Variants in NRXN1 observed in about 807,000 individuals in gnomAD.
NRXN1 encodes the protein neurexin-1.
Under a neutral mutation model 150.9 loss-of-function variants are expected in NRXN1, and 39 were observed. The observed-to-expected ratio is 0.26, with a 90% CI of 0.20 to 0.34. The LOEUF is 0.34. Among genes scored for constraint, NRXN1 ranks in the 10% least tolerant of loss-of-function variants. The pLI, the probability that NRXN1 is intolerant of heterozygous loss-of-function variation, is 1.00. For synonymous variants in NRXN1, 924 were observed against 757.0 expected, an observed-to-expected ratio of 1.22 and a Z score of -3.62; for missense variants, 1,815 against 1,949.9, an observed-to-expected ratio of 0.93 and a Z score of 1.30.
At chr2:50,134,294 A>G (rs1227637061) in intron 18 of NRXN1, among the ~76,000 whole-genome samples, 55 of 148,658 alleles carry the variant, frequency 3.7e-4, no homozygotes, top group Admixed American at 3.5e-3. Context: ...AAAAAAAAAG[A>G]GAACACTAAG....
chr2:50,765,805 C>G (rs1702318219), intron 5 of NRXN1, among the ~76,000 whole-genome samples: 1 of 151,982 alleles, frequency 6.6e-6, no homozygotes, highest in South Asian at 2.1e-4. Flanking sequence ...TTTTTTGAAG[C>G]TATCAGAAGC....
intron 17 of NRXN1, among the ~76,000 whole-genome samples, chr2:50,440,759 C>G (rs1478961731): frequency 1.3e-5 from 2 of 151,992 alleles, no homozygotes; most frequent in Non-Finnish European, 2.9e-5. Flanking sequence ...TTCCTTTGTG[C>G]TCATATTTTT....
chr2:50,757,193 A>G (rs1368070744), intron 5 of NRXN1, among the ~76,000 whole-genome samples: 1 of 151,888 alleles, frequency 6.6e-6, no homozygotes, highest in Non-Finnish European at 1.5e-5. Flanking sequence ...CGGAAATTAT[A>G]GAATCTTCAG....
intron 8 of NRXN1, among the ~76,000 whole-genome samples, chr2:50,578,471 T>C (rs542120960): frequency 6.6e-6 from 1 of 152,294 alleles, no homozygotes; most frequent in African/African-American, 2.4e-5. Context: ...AGAGATCCTG[T>C]GTGATCATTA....
chr2:50,669,412 T>C (rs1214875991), intron 5 of NRXN1, among the ~76,000 whole-genome samples: 1 of 152,084 alleles, frequency 6.6e-6, no homozygotes, highest in East Asian at 1.9e-4. Flanking sequence ...ATATCAAAAA[T>C]ACAAACAGAA....
chr2:50,873,568 G>C (rs1288788508), intron 5 of NRXN1, among the ~76,000 whole-genome samples: 1 of 151,714 alleles, frequency 6.6e-6, no homozygotes, highest in Non-Finnish European at 1.5e-5. Flanking sequence ...TTTTCATTTT[G>C]GGCGGGGTGG....
intron 18 of NRXN1, among the ~76,000 whole-genome samples, chr2:50,133,340 T>C (rs945070227): frequency 7.2e-6 from 1 of 138,068 alleles, no homozygotes; most frequent in African/African-American, 2.6e-5. Context: ...CTCAGCAATC[T>C]GGTTTCAGAG....
At chr2:50,840,482 G>C (rs931696000) in intron 5 of NRXN1, among the ~76,000 whole-genome samples, 1 of 152,102 alleles carries the variant, frequency 6.6e-6, no homozygotes, top group Non-Finnish European at 1.5e-5. Flanking sequence ...GGTGCAGAGA[G>C]ATTATGACAA....
chr2:50,267,878 G>A (rs1020961563), intron 17 of NRXN1, among the ~76,000 whole-genome samples: 1 of 151,880 alleles, frequency 6.6e-6, no homozygotes, highest in Non-Finnish European at 1.5e-5. Context: ...AGAGGTGGAA[G>A]TGATTAAAAA....
chr2:50,762,270 T>G (rs1701886780), intron 5 of NRXN1, among the ~76,000 whole-genome samples: 1 of 151,880 alleles, frequency 6.6e-6, no homozygotes, highest in Non-Finnish European at 1.5e-5. Flanking sequence ...GTCTCTTGAG[T>G]AGCTGAGACT....
intron 15 of NRXN1, among the ~76,000 whole-genome samples, chr2:50,492,634 A>G (rs1253931089): frequency 2.0e-5 from 3 of 152,284 alleles, no homozygotes; most frequent in Admixed American, 1.3e-4. Context: ...CCCGGGTCCT[A>G]TGCAGCATGT....
intron 2 of NRXN1, among the ~76,000 whole-genome samples, chr2:50,968,022 C>A (rs1694376343): frequency 6.6e-6 from 1 of 151,768 alleles, no homozygotes; most frequent in South Asian, 2.1e-4. Flanking sequence ...TGGGATAATG[C>A]TAACGAAAGG....
chr2:49,924,850 A>T (rs1668812140), intron 22 of NRXN1, among the ~76,000 whole-genome samples: 1 of 152,252 alleles, frequency 6.6e-6, no homozygotes. Context: ...AAATTTTAAT[A>T]ACCATCATAG....
intron 12 of NRXN1, among the ~76,000 whole-genome samples, chr2:50,508,222 T>C (rs575041409): frequency 1.3e-5 from 2 of 152,300 alleles, no homozygotes; most frequent in Admixed American, 6.5e-5. Flanking sequence ...TTTTAAAGGA[T>C]GAATTGCCTC....
At chr2:50,981,631 T>G (rs1308220828) in intron 2 of NRXN1, among the ~76,000 whole-genome samples, 1 of 152,008 alleles carries the variant, frequency 6.6e-6, no homozygotes, top group African/African-American at 2.4e-5. Flanking sequence ...ATTCAAAAGT[T>G]TTTAACCAAA....
At chr2:50,569,977 G>A (rs182329802) in intron 8 of NRXN1, among the ~76,000 whole-genome samples, 18 of 152,206 alleles carry the variant, frequency 1.2e-4, no homozygotes, top group African/African-American at 1.9e-4. Context: ...TGTCTAATAC[G>A]GATGCTCTCA....
chr2:50,465,034 G>A (rs2088670866), intron 17 of NRXN1, among the ~76,000 whole-genome samples: 1 of 151,726 alleles, frequency 6.6e-6, no homozygotes, highest in Non-Finnish European at 1.5e-5. Context: ...GATGTACGCA[G>A]AGAGAAAAAT....
At chr2:50,934,623 T>TATTAG (rs1688250258) in intron 2 of NRXN1, among the ~76,000 whole-genome samples, 2 of 152,182 alleles carry the variant, frequency 1.3e-5, no homozygotes, top group African/African-American at 2.4e-5. Context: ...TATTGAGCGG[T>TATTAG]ATTAACTACA....
intron 5 of NRXN1, among the ~76,000 whole-genome samples, chr2:50,785,239 T>C (rs1165791413): frequency 1.4e-5 from 2 of 143,086 alleles, no homozygotes; most frequent in Non-Finnish European, 3.1e-5. Context: ...TCTGAGAAAA[T>C]ACACTTTTTT....
Sources: gnomAD v4.1 joint callset for allele counts (sites outside exome capture counted in the v4.1 genomes callset) on GRCh38, gnomAD v4.1.1 for gene constraint, MANE v1.5 for transcripts, NCBI Gene and HGNC (gene_info 2026-07-23, HGNC 2026-07-21) for gene names.